The following CNTNAP2 variants were observed in gnomAD, a reference collection of about 807,000 sequenced individuals.
CNTNAP2 encodes contactin-associated protein-like 2.
Under a neutral mutation model 155.2 loss-of-function variants are expected in CNTNAP2, and 98 were observed. That is an observed-to-expected ratio of 0.63 (90% CI 0.54 to 0.75). CNTNAP2 has a LOEUF of 0.75. CNTNAP2 is among the 30% of genes least tolerant of loss of function. The probability of loss-of-function intolerance (pLI) is 0.00; values close to 1 mark genes in which losing one functional copy is unlikely to be tolerated. For missense variants in CNTNAP2, 1,727 were observed against 1,688.1 expected (o/e 1.02, Z -0.40); for synonymous variants, 651 against 631.2 (o/e 1.03, Z -0.47).
intron 12 of CNTNAP2, among the ~76,000 whole-genome samples, chr7:147,628,491 CT>C (rs1795027446): frequency 6.6e-6 from 1 of 152,106 alleles, no homozygotes; most frequent in South Asian, 2.1e-4. Context: ...GGTTCTAAAT[CT>C]TGAAACACAC....
intron 13 of CNTNAP2, among the ~76,000 whole-genome samples, chr7:147,677,157 TACATCCTCACCA>T (rs1795882564): frequency 6.6e-6 from 1 of 151,844 alleles, no homozygotes; most frequent in African/African-American, 2.4e-5. Flanking sequence ...CTCCTTTCTT[TACATCCTCACCA>T]ACACTTGTTC....
intron 1 of CNTNAP2, among the ~76,000 whole-genome samples, chr7:146,390,416 G>A (rs1247584185): frequency 6.6e-6 from 1 of 151,932 alleles, no homozygotes; most frequent in Non-Finnish European, 1.5e-5. Context: ...CGACTGCAAA[G>A]TGTCACAACA....
In CNTNAP2 at chr7:146,426,208, A is replaced by T. The variant is rs1019339150; in HGVS notation, c.97+309235A>T. Among the ~76,000 whole-genome samples, 226 of 147,864 alleles carry T rather than the reference A, an allele frequency of 1.5e-3. 6 individuals are homozygous for T. The highest frequency in any genetic ancestry group is 5.7e-3 in the African/African-American group (220 of 38,902). ...CTCAAAAAAAAAAAAAAAAAAAAAA[A>T]AATTAAAACTTAAGGAACTGAGACA... On this transcript the variant is annotated intron_variant, in intron 1 of 23. Transcript: ENST00000361727.
chr7:146,230,729 C>A (rs2116912557), intron 1 of CNTNAP2, among the ~76,000 whole-genome samples: 1 of 152,206 alleles, frequency 6.6e-6, no homozygotes, highest in African/African-American at 2.4e-5. Flanking sequence ...AAAAGTTAAT[C>A]TATTGGCCGG....
At chr7:147,778,154 T>A (rs1297250998) in intron 13 of CNTNAP2, among the ~76,000 whole-genome samples, 2 of 152,236 alleles carry the variant, frequency 1.3e-5, no homozygotes, top group African/African-American at 4.8e-5. Flanking sequence ...CTCATCTACA[T>A]GTTTAGTTTT....
chr7:146,765,921 A>G (rs1346519967), intron 1 of CNTNAP2, among the ~76,000 whole-genome samples: 2 of 152,068 alleles, frequency 1.3e-5, no homozygotes, highest in Non-Finnish European at 2.9e-5. Flanking sequence ...CTTGGTGTGT[A>G]TGAGAGAGAG....
At chr7:146,451,835 CAT>C (rs1317227874) in intron 1 of CNTNAP2, among the ~76,000 whole-genome samples, 7 of 61,010 alleles carry the variant, frequency 1.1e-4, no homozygotes, top group African/African-American at 8.5e-4. Context: ...TATATATATA[CAT>C]ATATATATAC....
chr7:146,175,690 A>G (rs1798459894), intron 1 of CNTNAP2, among the ~76,000 whole-genome samples: 1 of 152,234 alleles, frequency 6.6e-6, no homozygotes, highest in Non-Finnish European at 1.5e-5. Flanking sequence ...TATTCGATTT[A>G]TATGAATAAA....
chr7:146,357,218 A>AAC (rs1795010855), intron 1 of CNTNAP2, among the ~76,000 whole-genome samples: 1 of 147,058 alleles, frequency 6.8e-6, no homozygotes, highest in African/African-American at 2.6e-5. Context: ...GCCCTGTGAC[A>AAC]ACATACAGTG....
intron 12 of CNTNAP2, among the ~76,000 whole-genome samples, chr7:147,619,473 C>T (rs1370908822): frequency 5.3e-5 from 8 of 152,280 alleles, no homozygotes; most frequent in African/African-American, 1.9e-4. Flanking sequence ...GAGTCCCGGA[C>T]CAGGCAGTAT....
At chr7:147,690,180 C>T (rs972110453) in intron 13 of CNTNAP2, among the ~76,000 whole-genome samples, 11 of 152,124 alleles carry the variant, frequency 7.2e-5, no homozygotes, top group African/African-American at 2.7e-4. Context: ...CCCTGTTTCA[C>T]TAACGTTACC....
chr7:146,352,120 CT>C (rs1211391229), intron 1 of CNTNAP2, among the ~76,000 whole-genome samples: 1 of 152,120 alleles, frequency 6.6e-6, no homozygotes, highest in Non-Finnish European at 1.5e-5. Context: ...ACCAATTTTA[CT>C]TTTTTTATAT....
chr7:146,611,517 C>CAA (rs1408612266), intron 1 of CNTNAP2, among the ~76,000 whole-genome samples: 4 of 152,120 alleles, frequency 2.6e-5, no homozygotes, highest in African/African-American at 9.7e-5. Context: ...TGCCTTTTCA[C>CAA]ATGTGAAAGT....
At chr7:147,920,383 C>A (rs1047385155) in intron 14 of CNTNAP2, among the ~76,000 whole-genome samples, 2 of 140,880 alleles carry the variant, frequency 1.4e-5, no homozygotes, top group African/African-American at 2.7e-5. Flanking sequence ...AAAAGCATGT[C>A]TCTGAAAGTG....
At chr7:147,245,533 A>G (rs971107441) in intron 8 of CNTNAP2, among the ~76,000 whole-genome samples, 5 of 151,996 alleles carry the variant, frequency 3.3e-5, no homozygotes, top group African/African-American at 1.2e-4. Context: ...CTAGATCTCA[A>G]ATAAAATTTC....
chr7:148,045,137 G>T (rs530054639), intron 15 of CNTNAP2, among the ~76,000 whole-genome samples: 1 of 152,286 alleles, frequency 6.6e-6, no homozygotes, highest in African/African-American at 2.4e-5. Context: ...AGCAGCGTTT[G>T]ACTCACAGAT....
At chr7:147,559,880 A>C (rs1584813284) in intron 11 of CNTNAP2, among the ~76,000 whole-genome samples, 1 of 143,344 alleles carries the variant, frequency 7.0e-6, no homozygotes, top group Admixed American at 6.9e-5. Flanking sequence ...AAAAAAAAAA[A>C]ACATTTGAGG....
At chr7:146,598,236 C>T (rs1798893049) in intron 1 of CNTNAP2, among the ~76,000 whole-genome samples, 1 of 152,108 alleles carries the variant, frequency 6.6e-6, no homozygotes. Flanking sequence ...GCAATTGTCT[C>T]TTCTTTTTTC....
chr7:147,542,360 G>T (rs1322335380), intron 11 of CNTNAP2, among the ~76,000 whole-genome samples: 3 of 151,842 alleles, frequency 2.0e-5, no homozygotes, highest in African/African-American at 4.8e-5. Flanking sequence ...GTACTGGACA[G>T]CAGAAGTGAC....
Sources: allele counts gnomAD v4.1 joint callset (sites outside exome capture counted in the v4.1 genomes callset), GRCh38; gene constraint gnomAD v4.1.1; transcripts MANE v1.5; gene names NCBI Gene and HGNC (gene_info 2026-07-23, HGNC 2026-07-21).